Variants in SYN3 observed in about 807,000 individuals in gnomAD.
SYN3 encodes the protein synapsin-3.
SYN3 carries 35 observed loss-of-function variants against 65.8 expected under a neutral mutation model. That is an observed-to-expected ratio of 0.53 (90% CI 0.41 to 0.70). The LOEUF (loss-of-function observed/expected upper bound fraction) is 0.70, where lower values mean the gene tolerates loss of function less well. Among genes scored for constraint, SYN3 ranks in the 30% least tolerant of loss-of-function variants. SYN3 has a pLI of 0.00. For synonymous variants in SYN3, 270 were observed against 292.9 expected, an observed-to-expected ratio of 0.92 and a Z score of 0.80; for missense variants, 680 against 749.0, an observed-to-expected ratio of 0.91 and a Z score of 1.08.
intron 7 of SYN3, among the ~76,000 whole-genome samples, chr22:32,578,254 CCTCT>C (rs2058883473): frequency 7.2e-6 from 1 of 138,230 alleles, no homozygotes; most frequent in Admixed American, 7.2e-5. Context: ...TCTCTCTCTC[CCTCT>C]CTCTTTCTGA....
chr22:32,915,517 G>A (rs2050164165), intron 4 of SYN3, among the ~76,000 whole-genome samples: 1 of 152,194 alleles, frequency 6.6e-6, no homozygotes, highest in African/African-American at 2.4e-5. Flanking sequence ...GGTCAGAGAA[G>A]GAAGTGGTAA....
intron 1 of SYN3, among the ~76,000 whole-genome samples, chr22:33,024,686 A>T (rs2053611694): frequency 6.6e-6 from 1 of 152,244 alleles, no homozygotes; most frequent in South Asian, 2.1e-4. Flanking sequence ...CCTGGAATAC[A>T]ATAAAGATTA....
intron 4 of SYN3, among the ~76,000 whole-genome samples, chr22:32,885,494 G>A (rs2049262410): frequency 6.6e-6 from 1 of 151,988 alleles, no homozygotes; most frequent in African/African-American, 2.4e-5. Context: ...AAGAAGCATG[G>A]TGGATGTTCC....
intron 2 of SYN3, among the ~76,000 whole-genome samples, chr22:32,996,214 C>T (rs1306299245): frequency 2.6e-5 from 4 of 152,176 alleles, no homozygotes; most frequent in Admixed American, 6.5e-5. Flanking sequence ...CCTAGCCAGG[C>T]ACTGTGCTGG....
intron 6 of SYN3, among the ~76,000 whole-genome samples, chr22:32,611,284 G>GTTTTT (rs1201383074): frequency 1.8e-4 from 17 of 94,512 alleles, no homozygotes; most frequent in East Asian, 5.8e-4. Context: ...TTTTTTTTTT[G>GTTTTT]TTTTTTTTTT....
At chr22:32,656,321 A>G (rs1250108143) in intron 6 of SYN3, among the ~76,000 whole-genome samples, 1 of 152,178 alleles carries the variant, frequency 6.6e-6, no homozygotes, top group African/African-American at 2.4e-5. Context: ...TTGCTCATCC[A>G]TAAATTGGGA....
intron 4 of SYN3, among the ~76,000 whole-genome samples, chr22:32,890,997 T>C (rs1329321365): frequency 1.3e-5 from 2 of 152,164 alleles, no homozygotes; most frequent in African/African-American, 2.4e-5. Context: ...TGCTGGACTC[T>C]GGGAGGCAGA....
intron 4 of SYN3, among the ~76,000 whole-genome samples, chr22:32,905,785 T>C (rs2049885859): frequency 6.6e-6 from 1 of 152,184 alleles, no homozygotes; most frequent in Admixed American, 6.5e-5. Flanking sequence ...TGGCCTGAGA[T>C]TCAAGCTGCA....
chr22:32,862,396 C>T (rs2048570568), intron 6 of SYN3: 1 of 152,258 alleles, frequency 6.6e-6, no homozygotes, highest in African/African-American at 2.4e-5. Flanking sequence ...CGTTCCAGAC[C>T]TGCCTCATGG....
At position 32,992,976 on chromosome 22, in the gene SYN3, C is replaced by T. The variant is rs182508007; in HGVS notation, c.312-12274G>A. The stretch of plus-strand genomic sequence containing the variant: ...TGCATTTGCATTGATGGAAGCAAGC[C>T]TTCTTTTTGTGCAGTCCTGGTGGGA... On this transcript the variant is annotated intron_variant, in intron 2 of 13. Coordinates refer to ENST00000358763, the MANE Select transcript of SYN3 (RefSeq NM_003490.4). Among the ~76,000 whole-genome samples, 3 of 152,248 alleles carry T rather than the reference C, an allele frequency of 2.0e-5. No homozygotes were observed. The East Asian group carries it at 5.8e-4, about 29-fold the overall frequency.
intron 4 of SYN3, among the ~76,000 whole-genome samples, chr22:32,887,352 T>A (rs933491864): frequency 1.3e-5 from 2 of 151,504 alleles, no homozygotes; most frequent in African/African-American, 2.4e-5. Context: ...CACTTCAGCC[T>A]AGGCAACAGC....
At chr22:32,557,447 C>A (rs1322918587) in intron 7 of SYN3, among the ~76,000 whole-genome samples, 2 of 152,202 alleles carry the variant, frequency 1.3e-5, no homozygotes, top group Admixed American at 1.3e-4. Context: ...CATTTTCACA[C>A]TCATTCTTTC....
chr22:32,577,180 C>T (rs1471939325), intron 7 of SYN3, among the ~76,000 whole-genome samples: 1 of 152,162 alleles, frequency 6.6e-6, no homozygotes, highest in Non-Finnish European at 1.5e-5. Context: ...GGTTAAGCAT[C>T]GCTGCTTCCC....
chr22:32,565,232 T>G (rs1380044730), intron 7 of SYN3, among the ~76,000 whole-genome samples: 2 of 152,208 alleles, frequency 1.3e-5, no homozygotes, highest in African/African-American at 4.8e-5. Context: ...CCACAACTGC[T>G]TATCACTATG....
chr22:32,587,729 C>T (rs925165519), intron 7 of SYN3, among the ~76,000 whole-genome samples: 8 of 152,200 alleles, frequency 5.3e-5, no homozygotes, highest in African/African-American at 1.9e-4. Flanking sequence ...GCTAAGCCAG[C>T]GTGTGCAAGA....
rs563402696 is a variant in SYN3, at chr22:32,635,352, C to T, written c.712-38616G>A. On this transcript the variant is annotated intron_variant, in intron 6 of 13. Coordinates refer to ENST00000358763, the MANE Select transcript of SYN3 (RefSeq NM_003490.4). ...CATCTTCAGAATCTGGGGCTGTATT[C>T]GGCCTGTATTTGGGAAGCTCAGTAG... Among the ~76,000 whole-genome samples the T allele has an allele frequency of 2.6e-5, 4 of 152,188 alleles. No individual in the cohort carries two copies. In the South Asian group the frequency reaches 8.3e-4, roughly 32 times the overall value.
intron 3 of SYN3, among the ~76,000 whole-genome samples, chr22:32,936,311 C>T (rs2050774533): frequency 6.6e-6 from 1 of 152,164 alleles, no homozygotes; most frequent in African/African-American, 2.4e-5. Flanking sequence ...AAAATTATCC[C>T]TATGTTTATC....
intron 6 of SYN3, among the ~76,000 whole-genome samples, chr22:32,712,186 T>C (rs2060975098): frequency 6.6e-6 from 1 of 152,250 alleles, no homozygotes; most frequent in Non-Finnish European, 1.5e-5. Context: ...AGTTTTCTCA[T>C]GGCCACAGGC....
At chr22:32,901,115 G>A (rs1255315543) in intron 4 of SYN3, among the ~76,000 whole-genome samples, 1 of 152,312 alleles carries the variant, frequency 6.6e-6, no homozygotes. Context: ...CACAGATGGT[G>A]TATGCTTAAA....
Sources: gnomAD v4.1 joint callset for allele counts (sites outside exome capture counted in the v4.1 genomes callset) on GRCh38, gnomAD v4.1.1 for gene constraint, MANE v1.5 for transcripts, NCBI Gene and HGNC (gene_info 2026-07-23, HGNC 2026-07-21) for gene names.